The following PDE10A variants were observed in gnomAD, a reference collection of about 807,000 sequenced individuals.
PDE10A encodes the protein cAMP and cAMP-inhibited cGMP 3',5'-cyclic phosphodiesterase 10A.
A neutral mutation model predicts 97.7 loss-of-function variants in PDE10A; 39 were observed. The ratio of observed to expected loss-of-function variants is 0.40; its 90% confidence interval spans 0.31 to 0.52. The LOEUF (loss-of-function observed/expected upper bound fraction) is 0.52. Ranked by LOEUF, PDE10A falls within the 20% of genes least tolerant of loss-of-function variation. PDE10A has a pLI of 0.56. For synonymous variants in PDE10A, 371 were observed against 376.8 expected (o/e 0.98, Z 0.18); for missense variants, 731 against 1,047.8 (o/e 0.70, Z 4.17).
At chr6:165,572,080 C>T (rs1224981786) in intron 1 of PDE10A, among the ~76,000 whole-genome samples, 2 of 152,282 alleles carry the variant, frequency 1.3e-5, no homozygotes, top group Middle Eastern at 3.4e-3. Flanking sequence ...ATGGCACTTC[C>T]GCTTTCTTGA....
At chr6:165,485,469 A>AAAAAT (rs553989368) in intron 2 of PDE10A, among the ~76,000 whole-genome samples, 32,144 of 140,202 alleles carry the variant, frequency 0.23, 3,181 homozygotes, top group African/African-American at 0.31. Context: ...CTCTGTCTCA[A>AAAAAT]AAAAAAAAAA....
chr6:165,769,581 G>A (rs1005187120), intron 1 of PDE10A, among the ~76,000 whole-genome samples: 12 of 152,210 alleles, frequency 7.9e-5, no homozygotes, highest in Admixed American at 2.0e-4. Context: ...TGCCAAGCAC[G>A]GAACTAAAAT....
intron 2 of PDE10A, among the ~76,000 whole-genome samples, chr6:165,490,461 T>C (rs375550068): frequency 3.3e-5 from 5 of 152,122 alleles, no homozygotes; most frequent in African/African-American, 9.7e-5. Context: ...ACTCTAAATC[T>C]TGAAACAAAT....
chr6:165,749,336 C>A (rs1204297498), intron 1 of PDE10A, among the ~76,000 whole-genome samples: 1 of 147,970 alleles, frequency 6.8e-6, no homozygotes, highest in African/African-American at 2.5e-5. Context: ...CCAATACCAC[C>A]ATCACCACCA....
At chr6:165,723,376 A>G (rs1031581277) in intron 1 of PDE10A, among the ~76,000 whole-genome samples, 1 of 152,192 alleles carries the variant, frequency 6.6e-6, no homozygotes, top group African/African-American at 2.4e-5. Context: ...AGTGTTTGCC[A>G]TAAATATAGA....
intron 1 of PDE10A, among the ~76,000 whole-genome samples, chr6:165,941,635 C>T (rs916724649): frequency 4.6e-5 from 7 of 152,188 alleles, no homozygotes; most frequent in Non-Finnish European, 1.0e-4. Flanking sequence ...CTCCCTCCCC[C>T]ACTCTCCCTT....
At chr6:165,964,757 C>G (rs9356407) in intron 1 of PDE10A, among the ~76,000 whole-genome samples, 11,445 of 152,206 alleles carry the variant, frequency 0.075, 530 homozygotes, top group South Asian at 0.12. Context: ...CTAAAATATT[C>G]CTTAAACATT....
chr6:165,556,212 C>A (rs553183591), intron 1 of PDE10A, among the ~76,000 whole-genome samples: 2 of 152,276 alleles, frequency 1.3e-5, no homozygotes, highest in East Asian at 3.9e-4. Context: ...CTAATCCCTG[C>A]ATTGCTCAAG....
chr6:165,517,521 T>C (rs1781881720), intron 2 of PDE10A, among the ~76,000 whole-genome samples: 1 of 152,194 alleles, frequency 6.6e-6, no homozygotes, highest in Non-Finnish European at 1.5e-5. Context: ...AAATAGGCTT[T>C]AGAAAGTAAT....
At chr6:165,544,787 T>C (rs1234477390) in intron 1 of PDE10A, among the ~76,000 whole-genome samples, 1 of 151,844 alleles carries the variant, frequency 6.6e-6, no homozygotes, top group African/African-American at 2.4e-5. Flanking sequence ...AATGACTTCT[T>C]TCAATGAAAT....
chr6:165,517,016 C>CAA (rs144385243), intron 2 of PDE10A, among the ~76,000 whole-genome samples: 1 of 151,650 alleles, frequency 6.6e-6, no homozygotes, highest in African/African-American at 2.4e-5. Flanking sequence ...TACCATGAAT[C>CAA]AAAAAAAATC....
intron 1 of PDE10A, chr6:165,948,162 T>C (rs1473087094): frequency 3.3e-5 from 5 of 151,428 alleles, no homozygotes. Context: ...AGACAAGAGA[T>C]GTCTAAATTG....
intron 1 of PDE10A, among the ~76,000 whole-genome samples, chr6:165,614,438 C>G (rs77360957): frequency 0.042 from 6,318 of 152,240 alleles, 420 homozygotes; most frequent in African/African-American, 0.14. Flanking sequence ...CCAGCTCCAG[C>G]AACACATCAT....
intron 1 of PDE10A, among the ~76,000 whole-genome samples, chr6:165,567,087 T>G (rs890046085): frequency 2.0e-5 from 3 of 152,214 alleles, no homozygotes; most frequent in Admixed American, 1.3e-4. Context: ...ACTTAGTATA[T>G]TCACACAATG....
At chr6:165,772,737 C>G (rs1778049229) in intron 1 of PDE10A, among the ~76,000 whole-genome samples, 1 of 151,874 alleles carries the variant, frequency 6.6e-6, no homozygotes, top group Non-Finnish European at 1.5e-5. Context: ...AGTTTATGCC[C>G]GTTGATTTGG....
intron 1 of PDE10A, among the ~76,000 whole-genome samples, chr6:165,881,568 T>TTA (rs1236951878): frequency 6.7e-6 from 1 of 149,862 alleles, no homozygotes; most frequent in Non-Finnish European, 1.5e-5. Flanking sequence ...CCAGCTAATT[T>TTA]TTTTTTTTTT....
intron 1 of PDE10A, among the ~76,000 whole-genome samples, chr6:165,837,978 A>G (rs1780114752): frequency 6.6e-6 from 1 of 151,726 alleles, no homozygotes; most frequent in Non-Finnish European, 1.5e-5. Context: ...AGCCACCTAT[A>G]TCTCTCCTGT....
chr6:165,969,260 T>C (rs1784601162), intron 1 of PDE10A, among the ~76,000 whole-genome samples: 2 of 152,220 alleles, frequency 1.3e-5, no homozygotes, highest in South Asian at 2.1e-4. Context: ...CTTCCTCTTC[T>C]TCTTCCTCTT....
intron 1 of PDE10A, among the ~76,000 whole-genome samples, chr6:165,686,304 G>A (rs557451182): frequency 4.7e-4 from 72 of 152,294 alleles, no homozygotes; most frequent in African/African-American, 1.7e-3. Context: ...CTGGGGAATT[G>A]TGGGTGCCCA....
Sources: gnomAD v4.1 joint callset for allele counts (sites outside exome capture counted in the v4.1 genomes callset) on GRCh38, gnomAD v4.1.1 for gene constraint, MANE v1.5 for transcripts, NCBI Gene and HGNC (gene_info 2026-07-23, HGNC 2026-07-21) for gene names.